Variants in PSD3 observed in about 807,000 individuals in gnomAD.
PSD3 encodes the protein PH and SEC7 domain-containing protein 3.
In PSD3, 49 loss-of-function variants were observed where a neutral mutation model predicts 105.5. That is an observed-to-expected ratio of 0.46 (90% CI 0.37 to 0.59). The LOEUF is 0.59. Ranked by LOEUF, PSD3 falls within the 20% of genes least tolerant of loss-of-function variation. The probability of loss-of-function intolerance (pLI) is 0.00; values close to 1 mark genes in which losing one functional copy is unlikely to be tolerated. For missense variants in PSD3, 1,561 were observed against 1,263.8 expected, an observed-to-expected ratio of 1.24 and a Z score of -3.57; for synonymous variants, 557 against 457.8, an observed-to-expected ratio of 1.22 and a Z score of -2.77.
intron 9 of PSD3, among the ~76,000 whole-genome samples, chr8:18,752,550 ATATAATT>A (rs1805626929): frequency 3.5e-4 from 4 of 11,350 alleles, no homozygotes; most frequent in African/African-American, 1.0e-3. Context: ...TATATATTAT[ATATAATT>A]ATATATATTA....
chr8:18,535,660 T>C lies in PSD3; in HGVS notation c.*83A>G, dbSNP rs545625355. On this transcript the variant is annotated 3_prime_UTR_variant, in exon 16 of 16. Transcript: ENST00000327040. Reference sequence around the variant, plus strand: ...CGTTTTGTCACAGACTTTTTTTTTTTAAATATATTCACGGATTACCAGAAA... The same window carrying C: ...CGTTTTGTCACAGACTTTTTTTTTTCAAATATATTCACGGATTACCAGAAA... The C allele has an allele frequency of 1.8e-5, 22 of 1,193,166 alleles. 1 individual carries two copies. The highest frequency in any genetic ancestry group is 2.6e-5 in the Non-Finnish European group (22 of 830,894). 73.9% of individuals were successfully genotyped at this position (1,193,166 alleles called of 1,614,324 possible).
intron 9 of PSD3, among the ~76,000 whole-genome samples, chr8:18,764,078 AAATTAGCCAATAATTTGCC>A (rs1275461372): frequency 6.6e-6 from 1 of 152,174 alleles, no homozygotes; most frequent in Non-Finnish European, 1.5e-5. Context: ...AACATGCTCT[AAATTAGCCAATAATTTGCC>A]AACCGTCATG....
intron 2 of PSD3, among the ~76,000 whole-genome samples, chr8:18,929,633 C>G (rs73666757): frequency 0.016 from 2,489 of 152,226 alleles, 67 homozygotes; most frequent in African/African-American, 0.056. Flanking sequence ...ACACTCCACA[C>G]AGCCAGAGCA....
At chr8:18,864,071 CAG>C (rs1156604806) in intron 4 of PSD3, among the ~76,000 whole-genome samples, 1 of 152,174 alleles carries the variant, frequency 6.6e-6, no homozygotes, top group Non-Finnish European at 1.5e-5. Flanking sequence ...AAAGTAAAGA[CAG>C]ATCTTGAAAC....
intron 2 of PSD3, among the ~76,000 whole-genome samples, chr8:18,903,272 C>T (rs963020213): frequency 1.1e-4 from 16 of 152,254 alleles, no homozygotes; most frequent in South Asian, 2.1e-4. Flanking sequence ...TTGACCCGAA[C>T]GGCAACTCGG....
intron 11 of PSD3, among the ~76,000 whole-genome samples, chr8:18,620,039 A>C (rs1244531455): frequency 6.6e-6 from 1 of 152,146 alleles, no homozygotes; most frequent in Non-Finnish European, 1.5e-5. Context: ...GCCACCCATG[A>C]GGCTGCTTCT....
intron 4 of PSD3, among the ~76,000 whole-genome samples, chr8:18,852,421 T>C (rs1031932533): frequency 1.3e-5 from 2 of 152,202 alleles, no homozygotes; most frequent in African/African-American, 4.8e-5. Context: ...CCTGCACCTA[T>C]GAAAGAACCC....
At chr8:18,635,779 C>T (rs932078706) in intron 10 of PSD3, among the ~76,000 whole-genome samples, 5 of 151,536 alleles carry the variant, frequency 3.3e-5, no homozygotes, top group Non-Finnish European at 7.4e-5. Flanking sequence ...CAAACTAACA[C>T]ACGAATAGAA....
At chr8:18,939,495 T>C (rs2129469292) in intron 1 of PSD3, among the ~76,000 whole-genome samples, 1 of 152,216 alleles carries the variant, frequency 6.6e-6, no homozygotes, top group South Asian at 2.1e-4. Context: ...TTAAATCTTG[T>C]TATCAATAAA....
At chr8:18,823,143 T>C (rs986911471) in intron 4 of PSD3, among the ~76,000 whole-genome samples, 1 of 149,552 alleles carries the variant, frequency 6.7e-6, no homozygotes, top group Admixed American at 6.6e-5. Flanking sequence ...TAGAAAAGCA[T>C]ACCTGAAGCC....
At chr8:18,613,707 G>A (rs1252273650) in intron 11 of PSD3, among the ~76,000 whole-genome samples, 1 of 152,130 alleles carries the variant, frequency 6.6e-6, no homozygotes, top group African/African-American at 2.4e-5. Context: ...ATAGAAAACG[G>A]CATCACTACA....
intron 10 of PSD3, among the ~76,000 whole-genome samples, chr8:18,635,833 A>G (rs1478085617): frequency 7.0e-6 from 1 of 142,696 alleles, no homozygotes; most frequent in African/African-American, 2.5e-5. Context: ...AAGTTGAACA[A>G]TGAGAACATT....
At chr8:18,813,966 A>G (rs1472021071) in intron 4 of PSD3, among the ~76,000 whole-genome samples, 2 of 152,230 alleles carry the variant, frequency 1.3e-5, no homozygotes, top group Non-Finnish European at 2.9e-5. Context: ...GAGATAATAC[A>G]TGACAGCACT....
Position 18,868,042 on chromosome 8 carries a change from C to T in PSD3, c.1266G>A (p.Lys422=), listed in dbSNP as rs755344151. 1 of 1,610,624 alleles carries T rather than the reference C, an allele frequency of 6.2e-7. No individual in the cohort carries two copies. Among genetic ancestry groups the T allele is most frequent in the South Asian group, 1.1e-5 (1 of 90,290 alleles). ...ERISEQEEHV[K]GEDEDILGPG... is the part of the protein sequence containing the mutation. ...GCCCAAGGATGTCTTCATCTTCCCCCTTAACGTGCTCCTCTTGTTCGCTGA... is the reference window on the plus strand; with the variant it reads ...GCCCAAGGATGTCTTCATCTTCCCCTTTAACGTGCTCCTCTTGTTCGCTGA... Residue 422 remains lysine, a synonymous_variant, in exon 4 of 16, where the codon AAG becomes AAA. Coordinates refer to ENST00000327040, the MANE Select transcript of PSD3 (RefSeq NM_015310.4).
At chr8:18,991,716 G>C (rs1015731360) in intron 1 of PSD3, among the ~76,000 whole-genome samples, 2 of 152,168 alleles carry the variant, frequency 1.3e-5, no homozygotes. Context: ...AGGCATTAAA[G>C]ACATTTTGTC....
intron 4 of PSD3, among the ~76,000 whole-genome samples, chr8:18,835,560 G>A (rs1384788922): frequency 1.3e-5 from 2 of 152,166 alleles, no homozygotes; most frequent in East Asian, 1.9e-4. Flanking sequence ...AGTAAAATAC[G>A]TAGTACGTTG....
intron 1 of PSD3, among the ~76,000 whole-genome samples, chr8:18,949,293 T>A (rs1369933725): frequency 7.8e-5 from 10 of 128,818 alleles, no homozygotes. Context: ...AGTTTTCTTC[T>A]CTTCCAAGGA....
At chr8:18,804,987 T>C (rs751905701) in intron 4 of PSD3, 89 bp from the exon 5 acceptor site, 29 of 1,131,496 alleles carry the variant, frequency 2.6e-5, no homozygotes, top group Non-Finnish European at 3.5e-5. Flanking sequence ...AGTTTTCTTT[T>C]AGTTCAGCTA....
chr8:18,903,498 A>G (rs1225780838), intron 2 of PSD3, among the ~76,000 whole-genome samples: 2 of 152,190 alleles, frequency 1.3e-5, no homozygotes, highest in African/African-American at 2.4e-5. Context: ...GTGTCCCAAC[A>G]GCTCAGACTC....
Sources: allele counts gnomAD v4.1 joint callset (sites outside exome capture counted in the v4.1 genomes callset), GRCh38; gene constraint gnomAD v4.1.1; transcripts MANE v1.5; gene names NCBI Gene and HGNC (gene_info 2026-07-23, HGNC 2026-07-21).